DCTN1: variants seen among roughly 807,000 people sequenced by gnomAD.
The protein encoded by DCTN1 is dynactin subunit 1.
In DCTN1, 61 loss-of-function variants were observed where a neutral mutation model predicts 161.2. The ratio of observed to expected loss-of-function variants is 0.38; its 90% CI spans 0.31 to 0.47. The LOEUF (loss-of-function observed/expected upper bound fraction) is 0.47, where lower values mean the gene tolerates loss of function less well. Among genes scored for constraint, DCTN1 ranks in the 20% least tolerant of loss-of-function variants. The pLI, the probability that DCTN1 is intolerant of heterozygous loss-of-function variation, is 0.99. For synonymous variants in DCTN1, 653 were observed against 632.4 expected (o/e 1.03, Z -0.49); for missense variants, 1,404 against 1,623.7 (o/e 0.86, Z 2.33).
chr2:74,390,214 T>C (rs866658986), intron 1 of DCTN1, among the ~76,000 whole-genome samples: 36 of 152,264 alleles, frequency 2.4e-4, no homozygotes, highest in African/African-American at 8.4e-4. Flanking sequence ...TTAAATACAA[T>C]TCCGCTTAGA....
chr2:74,363,231 T>A (rs745586852), intron 28 of DCTN1, 54 bp from the exon 29 acceptor site: 14 of 1,614,054 alleles, frequency 8.7e-6, no homozygotes, highest in Non-Finnish European at 1.2e-5. Flanking sequence ...GCCCCTGTCA[T>A]CTATCATCAA....
chr2:74,390,971 T>C (rs183806618), intron 1 of DCTN1, among the ~76,000 whole-genome samples: 323 of 152,350 alleles, frequency 2.1e-3, no homozygotes, highest in Middle Eastern at 3.4e-3. Context: ...TGGAGATTCA[T>C]GGTAAATATT....
intron 19 of DCTN1, 30 bp downstream of exon 19, chr2:74,367,322 G>T (rs1006381247): frequency 6.2e-7 from 1 of 1,612,460 alleles, no homozygotes; most frequent in Non-Finnish European, 8.5e-7. Flanking sequence ...GATCTCCACG[G>T]GGGCTCAATC....
chr2:74,377,931 C>A, intron 2 of DCTN1, 69 bp downstream of exon 2: 1 of 1,604,106 alleles, frequency 6.2e-7, no homozygotes. Context: ...AACGAAGTAC[C>A]AACACATCAG....
intron 6 of DCTN1, 27 bp from the exon 7 acceptor site, chr2:74,372,975 G>C: frequency 7.4e-6 from 12 of 1,612,770 alleles, no homozygotes; most frequent in Non-Finnish European, 1.0e-5. Context: ...AGCCAGAAGA[G>C]AAGTAGTCAG....
In DCTN1 at chr2:74,370,533, C is replaced by A. The variant is rs1350015363; in HGVS notation, c.1060G>T (p.Ala354Ser). 6.2e-7 allele frequency: 1 copy of A among 1,614,088 alleles called. No individual in the cohort carries two copies. Among genetic ancestry groups the A allele is most frequent in the Non-Finnish European group, 8.5e-7 (1 of 1,180,042 alleles). Residue 354 changes from alanine (A) to serine (S), a missense_variant, in exon 11 of 32, where the codon GCT (alanine) becomes TCT (serine). Coordinates refer to ENST00000628224, the MANE Select transcript of DCTN1 (RefSeq NM_004082.5). This position sits in a 1 kb window ranked among gnomAD's most constrained non-coding sequence, Gnocchi z 4.4. Reference protein sequence around the residue: ...AEIEEKGSDGAASSYQLKQLE... With the variant: ...AEIEEKGSDGSASSYQLKQLE... ...TGCTTGAGCTGATAACTGGATGCAGCGCCATCTGAGCCTGGAGAAGATCAT... is the reference window on the plus strand; with the variant it reads ...TGCTTGAGCTGATAACTGGATGCAGAGCCATCTGAGCCTGGAGAAGATCAT...
intron 19 of DCTN1, 105 bp downstream of exon 19, chr2:74,367,247 T>C (rs1181304424): frequency 2.0e-6 from 3 of 1,536,296 alleles, no homozygotes; most frequent in Non-Finnish European, 2.7e-6. Context: ...CTTTGGTAAC[T>C]CTGCCCTAGT....
intron 6 of DCTN1, 141 bp downstream of exon 6, chr2:74,374,182 C>T (rs1196676179): frequency 4.7e-6 from 4 of 844,644 alleles, no homozygotes; most frequent in South Asian, 1.4e-5. Flanking sequence ...ACACACACCT[C>T]TCCCTAACCC....
At position 74,370,413 on chromosome 2, in the gene DCTN1, A is replaced by C; in HGVS notation, c.1127+53T>G. ...AGAGTCTCTGGCGATGGGTGCTCTA[A>C]CACATTTGGAGACACAAGAGTAAGC... is the stretch of plus-strand genomic sequence containing the variant. On this transcript the variant is annotated intron_variant, in intron 11 of 31. Coordinates refer to ENST00000628224, the MANE Select transcript of DCTN1 (RefSeq NM_004082.5). This position sits in a 1 kb window ranked among gnomAD's most constrained non-coding sequence, Gnocchi z 4.4. 1 of 1,614,076 alleles carries C rather than the reference A, an allele frequency of 6.2e-7. No individual in the cohort carries two copies. Among genetic ancestry groups the C allele is most frequent in the Non-Finnish European group, 8.5e-7 (1 of 1,179,976 alleles).
intron 31 of DCTN1, 96 bp from the exon 32 acceptor site, chr2:74,361,732 C>G (rs942850653): frequency 1.1e-5 from 17 of 1,512,824 alleles, no homozygotes; most frequent in Middle Eastern, 3.4e-4. Flanking sequence ...CAAGGCAGCT[C>G]CTGGGTGACT....
upstream of DCTN1, among the ~76,000 whole-genome samples, chr2:74,384,242 T>C (rs866868886): frequency 6.6e-6 from 1 of 152,214 alleles, no homozygotes. Flanking sequence ...ACAGATTCCA[T>C]TCTCTCCATT....
At chr2:74,371,205 C>A (rs1182302613) in intron 8 of DCTN1, 29 bp from the exon 9 acceptor site, 9 of 1,611,170 alleles carry the variant, frequency 5.6e-6, no homozygotes, top group Non-Finnish European at 7.6e-6. Context: ...ACGGTCTGTG[C>A]ACAGCCCACT....
In DCTN1 at chr2:74,366,514, T is replaced by A; in HGVS notation, c.2573A>T (p.Asn858Ile). 1 of 1,614,190 alleles carries A rather than the reference T, an allele frequency of 6.2e-7. No individual in the cohort carries two copies. The highest frequency in any genetic ancestry group is 8.5e-7 in the Non-Finnish European group (1 of 1,180,018). ...AAQLIAPLAENEGLLVAALEE... is the reference protein window; with the variant it reads ...AAQLIAPLAEIEGLLVAALEE... ...CAGAGCAGCCACAAGTAGCCCCTCA[T>A]TCTCTGCCAGTGGGGCAATGAGCTG... Residue 858 changes from asparagine to isoleucine, a missense_variant, in exon 22 of 32, where the codon AAT becomes ATT. Asn to Ile is a moderately radical substitution (Grantham distance 149, BLOSUM62 -3). Around this residue, in one of 9 missense-constraint regions of DCTN1, gnomAD observed 475 missense variants for 489.8 expected, o/e 0.97. Transcript: ENST00000628224.
At chr2:74,368,394 C>G (rs1674581512) in intron 16 of DCTN1, 1 of 609,298 alleles carries the variant, frequency 1.6e-6, no homozygotes, top group Admixed American at 3.0e-5. Flanking sequence ...TTAAAGCTGC[C>G]ACTCCTGCTA....
chr2:74,366,581 A>C lies in DCTN1; in HGVS notation c.2506T>G (p.Trp836Gly). The C allele has an allele frequency of 3.1e-6, 5 of 1,613,352 alleles. No homozygotes were observed. The highest frequency in any genetic ancestry group is 4.2e-6 in the Non-Finnish European group (5 of 1,180,014). Reference sequence around the variant, plus strand: ...ACCTCCTGCAGCACAGCCACGACCCACGTCAAGTGTTTCCTGCAGTCTAGG... The same window carrying C: ...ACCTCCTGCAGCACAGCCACGACCCCCGTCAAGTGTTTCCTGCAGTCTAGG... ...TLLDCRKHLTWVVAVLQEVAA... is the reference protein window; with the variant it reads ...TLLDCRKHLTGVVAVLQEVAA... The change falls in exon 22 of 32, where the codon TGG becomes GGG. Residue 836 changes from tryptophan to glycine, a missense_variant. Trp to Gly is a radical substitution (Grantham distance 184). Coordinates refer to ENST00000628224, the MANE Select transcript of DCTN1 (RefSeq NM_004082.5).
intron 26 of DCTN1, chr2:74,363,876 C>A: frequency 3.3e-6 from 2 of 599,070 alleles, no homozygotes; most frequent in South Asian, 3.7e-5. Context: ...AGAACAGTGG[C>A]AAAGAGAGTG....
At chr2:74,376,798 C>A in intron 4 of DCTN1, 36 bp from the exon 5 acceptor site, 1 of 1,591,666 alleles carries the variant, frequency 6.3e-7, no homozygotes, top group Non-Finnish European at 8.6e-7. Context: ...AGTTAGAGAA[C>A]AGATGTCCTG....
chr2:74,377,064 A>G (rs914800575), intron 4 of DCTN1, among the ~76,000 whole-genome samples: 1 of 152,186 alleles, frequency 6.6e-6, no homozygotes, highest in African/African-American at 2.4e-5. Flanking sequence ...TGTGAATAGG[A>G]GATTGCTTCT....
intron 1 of DCTN1, among the ~76,000 whole-genome samples, chr2:74,390,962 G>A (rs763362478): frequency 3.5e-4 from 54 of 152,252 alleles, no homozygotes; most frequent in Admixed American, 1.1e-3. Flanking sequence ...ACCCCCAGTT[G>A]GAGATTCATG....
Sources: allele counts gnomAD v4.1 joint callset (sites outside exome capture counted in the v4.1 genomes callset), GRCh38; gene constraint gnomAD v4.1.1; regional missense constraint gnomAD v4.1.1; non-coding constraint Gnocchi (gnomAD v3.1); transcripts MANE v1.5; gene names NCBI Gene and HGNC (gene_info 2026-07-23, HGNC 2026-07-21).